Variants in LRRC8D observed in about 807,000 individuals in gnomAD.
LRRC8D encodes volume-regulated anion channel subunit LRRC8D.
In LRRC8D, 20 loss-of-function variants were observed where a neutral mutation model predicts 55.8. The ratio of observed to expected loss-of-function variants is 0.36; its 90% CI spans 0.25 to 0.52. The LOEUF (loss-of-function observed/expected upper bound fraction) is 0.52. LRRC8D is among the 20% of genes least tolerant of loss of function. The pLI is 0.93. For missense variants in LRRC8D, 651 were observed against 1,030.8 expected (o/e 0.63, Z 5.05); for synonymous variants, 352 against 377.0 (o/e 0.93, Z 0.77).
In LRRC8D at chr1:89,843,789, G is replaced by C; in HGVS notation, c.-3+7G>C. On this transcript the variant is annotated splice_region_variant and intron_variant, in intron 2 of 2. Transcript: ENST00000337338. ...GGGTGGCCGCTTGGTCCAGGTGCGC[G>C]GGGTCGGGTCTGGGTCCAGGGAGCG... 1 of 675,192 alleles carries C rather than the reference G, an allele frequency of 1.5e-6. No individual in the cohort carries two copies. Among genetic ancestry groups the C allele is most frequent in the Non-Finnish European group, 2.7e-6 (1 of 369,424 alleles). 41.8% of individuals were successfully genotyped at this position (675,192 alleles called of 1,614,324 possible). A position where few individuals can be genotyped will look rare whatever the true frequency, so the allele number is the denominator to read the frequency against.
chr1:89,916,323 TAGAAAC>T (rs757894150), intron 2 of LRRC8D, among the ~76,000 whole-genome samples: 17 of 152,342 alleles, frequency 1.1e-4, no homozygotes, highest in Middle Eastern at 3.4e-3. Context: ...GCTAAGTACT[TAGAAAC>T]AGAATTAAAT....
At chr1:89,931,003 AT>A (rs56714673) in intron 2 of LRRC8D, among the ~76,000 whole-genome samples, 5,297 of 120,914 alleles carry the variant, frequency 0.044, 242 homozygotes, top group African/African-American at 0.13. Context: ...TTCCTTGGTA[AT>A]TTTTTTTTTT....
chr1:89,902,656 C>T (rs1427969414), intron 2 of LRRC8D, among the ~76,000 whole-genome samples: 1 of 151,962 alleles, frequency 6.6e-6, no homozygotes, highest in Non-Finnish European at 1.5e-5. Context: ...CCTGCCTCAG[C>T]CTCCCGAGTA....
At chr1:89,869,169 A>T (rs141138766) in intron 2 of LRRC8D, among the ~76,000 whole-genome samples, 241 of 152,262 alleles carry the variant, frequency 1.6e-3, no homozygotes, top group Non-Finnish European at 2.8e-3. Context: ...GACCTCCCAA[A>T]GTGCTGAGAT....
At position 89,890,472 on chromosome 1, in the gene LRRC8D, A is replaced by G. The variant is rs190826631; in HGVS notation, c.-2-42595A>G. ...TCATTCATTCAGTCTTTTTCCTGAC[A>G]TGGTTTAACCTAGGAGGCTCAATAT... On this transcript the variant is annotated intron_variant, in intron 2 of 2. Coordinates refer to ENST00000337338, the MANE Select transcript of LRRC8D (RefSeq NM_001134479.2). 1.6e-3 allele frequency among the ~76,000 whole-genome samples: 248 copies of G among 152,302 alleles called. No individual in the cohort carries two copies. In the South Asian group the frequency reaches 0.021, roughly 13 times the overall value.
chr1:89,845,972 G>A (rs937597654), intron 2 of LRRC8D, among the ~76,000 whole-genome samples: 1 of 151,924 alleles, frequency 6.6e-6, no homozygotes, highest in Non-Finnish European at 1.5e-5. Context: ...GTATTGATGG[G>A]GTTTATCCAT....
chr1:89,837,758 C>G (rs1403717486), intron 1 of LRRC8D, among the ~76,000 whole-genome samples: 1 of 152,180 alleles, frequency 6.6e-6, no homozygotes, highest in Admixed American at 6.5e-5. Context: ...CTGGAGTTTT[C>G]AGGTACTCCG....
At chr1:89,899,539 G>T (rs1662796926) in intron 2 of LRRC8D, among the ~76,000 whole-genome samples, 1 of 152,226 alleles carries the variant, frequency 6.6e-6, no homozygotes, top group Non-Finnish European at 1.5e-5. Context: ...AGAGGACCTT[G>T]AGGAAAGAAT....
At chr1:89,891,173 C>G (rs1166248444) in intron 2 of LRRC8D, among the ~76,000 whole-genome samples, 5 of 152,192 alleles carry the variant, frequency 3.3e-5, no homozygotes, top group African/African-American at 4.8e-5. Context: ...AGCCACCGCG[C>G]CTGGCCTCAG....
rs116888863 is a variant in LRRC8D, at chr1:89,823,961, A to G, written c.-148+2670A>G. 4.3e-4 allele frequency among the ~76,000 whole-genome samples: 65 copies of G among 152,336 alleles called. No individual in the cohort carries two copies. The East Asian group carries it at 8.5e-3, about 20-fold the overall frequency. On this transcript the variant is annotated intron_variant, in intron 1 of 2. Transcript: ENST00000337338. ...AGGGAACCTAGTTCGTGAAAAACTT[A>G]ACCACAAGTCAGTGGTGTTAATCAT...
chr1:89,830,366 T>C (rs1003210714), intron 1 of LRRC8D, among the ~76,000 whole-genome samples: 1 of 152,214 alleles, frequency 6.6e-6, no homozygotes, highest in African/African-American at 2.4e-5. Context: ...CAGAGAGAGA[T>C]GCACTTGTTC....
At chr1:89,928,070 A>ATTTTGT (rs1663612876) in intron 2 of LRRC8D, among the ~76,000 whole-genome samples, 1 of 152,202 alleles carries the variant, frequency 6.6e-6, no homozygotes, top group South Asian at 2.1e-4. Flanking sequence ...TTAGAAACAG[A>ATTTTGT]TTTTGTTTTT....
intron 2 of LRRC8D, among the ~76,000 whole-genome samples, chr1:89,895,031 A>G (rs1662670348): frequency 6.6e-6 from 1 of 151,114 alleles, no homozygotes; most frequent in Non-Finnish European, 1.5e-5. Context: ...CTCAGTAAGC[A>G]AGCAGGCTGA....
At chr1:89,906,795 G>A (rs1241500643) in intron 2 of LRRC8D, among the ~76,000 whole-genome samples, 1 of 152,042 alleles carries the variant, frequency 6.6e-6, no homozygotes, top group Non-Finnish European at 1.5e-5. Context: ...CTACAGAAGT[G>A]AACGGTCACA....
At chr1:89,827,729 ACT>A (rs1660797264) in intron 1 of LRRC8D, among the ~76,000 whole-genome samples, 1 of 152,070 alleles carries the variant, frequency 6.6e-6, no homozygotes, top group African/African-American at 2.4e-5. Flanking sequence ...CTGCTCCGGT[ACT>A]CTGTCAGTGT....
At position 89,920,737 on chromosome 1, in the gene LRRC8D, C is replaced by T. The variant is rs572411856; in HGVS notation, c.-2-12330C>T. 6.7e-5 allele frequency among the ~76,000 whole-genome samples: 10 copies of T among 149,734 alleles called. No homozygotes were observed. In the South Asian group the frequency reaches 1.5e-3, roughly 22 times the overall value. On this transcript the variant is annotated intron_variant, in intron 2 of 2. Coordinates refer to ENST00000337338, the MANE Select transcript of LRRC8D (RefSeq NM_001134479.2). ...AAAAACTAAATCATTCCTTTTTCCCCTATTGCTTCTGAAGCATTTTTTATT... is the reference window on the plus strand; with the variant it reads ...AAAAACTAAATCATTCCTTTTTCCCTTATTGCTTCTGAAGCATTTTTTATT...
chr1:89,867,580 C>T (rs1661883412), intron 2 of LRRC8D, among the ~76,000 whole-genome samples: 1 of 152,016 alleles, frequency 6.6e-6, no homozygotes. Context: ...TTTGTATGCA[C>T]GTTTTTAGGT....
At chr1:89,845,430 A>G (rs1194192129) in intron 2 of LRRC8D, among the ~76,000 whole-genome samples, 2 of 152,162 alleles carry the variant, frequency 1.3e-5, no homozygotes, top group Non-Finnish European at 2.9e-5. Context: ...GTGAGAAAGT[A>G]ATCGAGAGAG....
At chr1:89,902,501 C>G (rs896093757) in intron 2 of LRRC8D, among the ~76,000 whole-genome samples, 11 of 152,028 alleles carry the variant, frequency 7.2e-5, no homozygotes, top group Admixed American at 2.0e-4. Flanking sequence ...AGTCCCTGAG[C>G]CCACAGAATA....
Sources: allele counts gnomAD v4.1 joint callset (sites outside exome capture counted in the v4.1 genomes callset), GRCh38; gene constraint gnomAD v4.1.1; transcripts MANE v1.5; gene names NCBI Gene and HGNC (gene_info 2026-07-23, HGNC 2026-07-21).